The following GRM1 variants were observed in gnomAD, a reference collection of about 807,000 sequenced individuals.
GRM1 encodes the protein metabotropic glutamate receptor 1.
In GRM1, 33 loss-of-function variants were observed where a neutral mutation model predicts 90.9. The ratio of observed to expected loss-of-function variants is 0.36; its 90% confidence interval spans 0.28 to 0.49. The LOEUF (loss-of-function observed/expected upper bound fraction) is 0.49. Among genes scored for constraint, GRM1 ranks in the 20% least tolerant of loss-of-function variants. GRM1 has a pLI of 0.99. For synonymous variants in GRM1, 700 were observed against 613.2 expected (o/e 1.14, Z -2.09); for missense variants, 1,190 against 1,534.3 (o/e 0.78, Z 3.75).
At chr6:146,266,780 C>T (rs916870708) in intron 2 of GRM1, among the ~76,000 whole-genome samples, 1 of 152,262 alleles carries the variant, frequency 6.6e-6, no homozygotes, top group Non-Finnish European at 1.5e-5. Flanking sequence ...CTAGTATCAC[C>T]ACCTTGTGTC....
At chr6:146,385,891 G>A (rs1036465860) in intron 5 of GRM1, among the ~76,000 whole-genome samples, 1 of 151,866 alleles carries the variant, frequency 6.6e-6, no homozygotes, top group Admixed American at 6.6e-5. Flanking sequence ...ATAAATTAGT[G>A]GTGCATATTG....
chr6:146,139,403 A>G (rs1402686085), intron 1 of GRM1, among the ~76,000 whole-genome samples: 1 of 152,186 alleles, frequency 6.6e-6, no homozygotes, highest in Non-Finnish European at 1.5e-5. Context: ...CAATGCTGAA[A>G]GTACAGGGTT....
intron 2 of GRM1, among the ~76,000 whole-genome samples, chr6:146,180,094 A>G (rs1778489945): frequency 6.6e-6 from 1 of 152,134 alleles, no homozygotes; most frequent in South Asian, 2.1e-4. Context: ...GAAGTGAGCC[A>G]TGATCACCTA....
intron 3 of GRM1, among the ~76,000 whole-genome samples, chr6:146,325,364 C>T (rs571283849): frequency 6.6e-6 from 1 of 152,312 alleles, no homozygotes; most frequent in Admixed American, 6.5e-5. Flanking sequence ...TCCTTTCTTG[C>T]ATGGGTGTGA....
chr6:146,097,671 A>G (rs1562461288), intron 1 of GRM1, among the ~76,000 whole-genome samples: 1 of 152,120 alleles, frequency 6.6e-6, no homozygotes, highest in Non-Finnish European at 1.5e-5. Flanking sequence ...AGCTTCATCA[A>G]TCTCCTTTAA....
At chr6:146,418,538 A>G (rs892146509) in intron 7 of GRM1, among the ~76,000 whole-genome samples, 3 of 151,896 alleles carry the variant, frequency 2.0e-5, no homozygotes, top group Admixed American at 2.0e-4. Flanking sequence ...ACATACATGC[A>G]TATACATACA....
rs532037456 is a variant in GRM1 at position 146,330,711 on chromosome 6, T to C, written c.1187-21539T>C. On this transcript the variant is annotated intron_variant, in intron 3 of 7. Coordinates refer to ENST00000282753, the MANE Select transcript of GRM1 (RefSeq NM_001278064.2). ...TGTTGCTTTGTTTTAAATTCTTTAA[T>C]GTTTTGAGGAAAACTAACAGGGCTT... is the stretch of plus-strand genomic sequence containing the variant. 3.9e-5 allele frequency among the ~76,000 whole-genome samples: 6 copies of C among 152,342 alleles called. No individual in the cohort carries two copies. In the East Asian group the frequency reaches 1.2e-3, roughly 29 times the overall value.
chr6:146,278,360 T>C (rs1782447265), intron 2 of GRM1, among the ~76,000 whole-genome samples: 1 of 152,198 alleles, frequency 6.6e-6, no homozygotes, highest in African/African-American at 2.4e-5. Context: ...GTATTTGGAT[T>C]AGGGTCTATT....
chr6:146,291,530 CCCCCTTGTCTT>C (rs1782985854), intron 2 of GRM1, among the ~76,000 whole-genome samples: 3 of 151,584 alleles, frequency 2.0e-5, no homozygotes, highest in Admixed American at 2.0e-4. Flanking sequence ...CTAAGAAAGT[CCCCCTTGTCTT>C]CTCTTTCATT....
chr6:146,258,614 G>T (rs1436493552), intron 2 of GRM1, among the ~76,000 whole-genome samples: 1 of 151,964 alleles, frequency 6.6e-6, no homozygotes, highest in Non-Finnish European at 1.5e-5. Flanking sequence ...TGAAATCCTG[G>T]GCTCAAGAGA....
chr6:146,386,717 C>G (rs758621640), intron 5 of GRM1, among the ~76,000 whole-genome samples, 173 bp from the exon 6 acceptor site: 29 of 152,036 alleles, frequency 1.9e-4, no homozygotes, highest in Non-Finnish European at 4.0e-4. Context: ...CATCCAAACT[C>G]TAAGGTAATC....
intron 1 of GRM1, among the ~76,000 whole-genome samples, chr6:146,104,238 A>C (rs1327672502): frequency 6.6e-6 from 1 of 152,152 alleles, no homozygotes; most frequent in African/African-American, 2.4e-5. Flanking sequence ...CAGGAGATTG[A>C]GACCATCCTG....
At chr6:146,291,925 C>G (rs1782999525) in intron 2 of GRM1, among the ~76,000 whole-genome samples, 1 of 151,876 alleles carries the variant, frequency 6.6e-6, no homozygotes, top group Non-Finnish European at 1.5e-5. Context: ...TACTACAAAG[C>G]CATAGTAATC....
intron 1 of GRM1, among the ~76,000 whole-genome samples, chr6:146,137,969 T>C (rs1489561092): frequency 6.6e-6 from 1 of 152,176 alleles, no homozygotes; most frequent in African/African-American, 2.4e-5. Context: ...ACTGTTGGCG[T>C]ATATAAATGG....
chr6:146,208,178 A>C (rs1420807917), intron 2 of GRM1, among the ~76,000 whole-genome samples: 1 of 152,190 alleles, frequency 6.6e-6, no homozygotes, highest in Admixed American at 6.5e-5. Flanking sequence ...ACAGCGACTT[A>C]GATAATACAG....
intron 2 of GRM1, among the ~76,000 whole-genome samples, chr6:146,160,350 G>C (rs546248494): frequency 6.6e-6 from 1 of 152,092 alleles, no homozygotes; most frequent in African/African-American, 2.4e-5. Context: ...TCTAAATCAC[G>C]TGTACTTGTT....
At chr6:146,130,988 A>T (rs1776378757) in intron 1 of GRM1, among the ~76,000 whole-genome samples, 1 of 152,134 alleles carries the variant, frequency 6.6e-6, no homozygotes, top group Admixed American at 6.5e-5. Context: ...TCAACCTAAC[A>T]ATAGTAAACT....
At chr6:146,108,925 T>C (rs1322749017) in intron 1 of GRM1, among the ~76,000 whole-genome samples, 1 of 152,128 alleles carries the variant, frequency 6.6e-6, no homozygotes, top group African/African-American at 2.4e-5. Flanking sequence ...TTGTGGAACT[T>C]TGAATGTGAG....
chr6:146,199,773 T>C (rs189284043), intron 2 of GRM1, among the ~76,000 whole-genome samples: 27 of 152,204 alleles, frequency 1.8e-4, no homozygotes, highest in African/African-American at 6.0e-4. Flanking sequence ...ACCCCAGCAG[T>C]TTGGGAGGCC....
Sources: allele counts gnomAD v4.1 joint callset (sites outside exome capture counted in the v4.1 genomes callset), GRCh38; gene constraint gnomAD v4.1.1; transcripts MANE v1.5; gene names NCBI Gene and HGNC (gene_info 2026-07-23, HGNC 2026-07-21).